The following HELLS variants were observed in gnomAD, a reference collection of about 807,000 sequenced individuals.
HELLS encodes the protein lymphoid-specific helicase.
Under a neutral mutation model 120.0 loss-of-function variants are expected in HELLS, and 32 were observed. That is an observed-to-expected ratio of 0.27 (90% CI 0.20 to 0.36). HELLS has a LOEUF of 0.36. HELLS is among the 10% of genes least tolerant of loss of function. The pLI, the probability that HELLS is intolerant of heterozygous loss-of-function variation, is 1.00. For synonymous variants in HELLS, 341 were observed against 323.4 expected, an observed-to-expected ratio of 1.05 and a Z score of -0.58; for missense variants, 650 against 993.4, an observed-to-expected ratio of 0.65 and a Z score of 4.65.
chr10:94,608,891 C>T (rs1451039021), intron 9 of HELLS, among the ~76,000 whole-genome samples: 1 of 151,966 alleles, frequency 6.6e-6, no homozygotes, highest in East Asian at 1.9e-4. Flanking sequence ...CTCAAGCAAT[C>T]TTCCTGTCTT....
chr10:94,601,006 G>A (rs1846009319), intron 21 of HELLS, among the ~76,000 whole-genome samples: 1 of 152,106 alleles, frequency 6.6e-6, no homozygotes, highest in South Asian at 2.1e-4. Context: ...AATGTCTGAT[G>A]AACAGACAAG....
chr10:94,571,989 G>C (rs538481204), intron 7 of HELLS, among the ~76,000 whole-genome samples: 132 of 152,258 alleles, frequency 8.7e-4, no homozygotes, highest in African/African-American at 2.5e-3. Flanking sequence ...ACTTCAGGTA[G>C]TTAATTTACA....
intron 10 of HELLS, among the ~76,000 whole-genome samples, chr10:94,579,261 C>T (rs888769784): frequency 1.4e-5 from 2 of 141,486 alleles, no homozygotes; most frequent in African/African-American, 2.7e-5. Flanking sequence ...AGTTCAGTGG[C>T]GCGATCTTAG....
intron 10 of HELLS, among the ~76,000 whole-genome samples, chr10:94,577,924 G>T (rs1217151414): frequency 6.6e-6 from 1 of 152,064 alleles, no homozygotes; most frequent in African/African-American, 2.4e-5. Context: ...TTAGCCGGGC[G>T]CGGTGGCGGG....
At chr10:94,556,876 T>G (rs1226449041) in intron 3 of HELLS, among the ~76,000 whole-genome samples, 1 of 152,246 alleles carries the variant, frequency 6.6e-6, no homozygotes, top group Admixed American at 6.5e-5. Flanking sequence ...TGTCTATATG[T>G]CTGTAAGCAA....
rs75480462 is a variant in HELLS, at chr10:94,546,461, C to G, written c.116C>G (p.Ala39Gly). The stretch of plus-strand genomic sequence containing the variant: ...CTAGAAGAGGAAGAACAGCTTGAAG[C>G]TGCTGGACTAGAGAGAGAGCGGAAG... ...AMLEEEEQLE[A>G]AGLERERKML... Residue 39 changes from alanine to glycine, a missense_variant, in exon 2 of 22, where the codon GCT becomes GGT. Coordinates refer to ENST00000348459, the MANE Select transcript of HELLS (RefSeq NM_018063.5). 6.2e-6 allele frequency: 10 copies of G among 1,614,034 alleles called. No homozygotes were observed. The East Asian group carries it at 6.7e-5, about 11-fold the overall frequency.
chr10:94,554,233 A>G lies in HELLS; in HGVS notation c.261A>G (p.Glu87=), dbSNP rs760294276. 2 of 1,567,808 alleles carry G rather than the reference A, an allele frequency of 1.3e-6. No individual in the cohort carries two copies. The highest frequency in any genetic ancestry group is 1.7e-6 in the Non-Finnish European group (2 of 1,165,132). Residue 87 remains glutamate (E), a synonymous_variant, in exon 3 of 22, where the codon GAA becomes GAG. Transcript: ENST00000348459. ...IYSKFLLTKM[E]QQQLEEQKKK... is the part of the protein sequence containing the mutation. ...CCAAATTTTTATTGACGAAAATGGA[A>G]CAGCAACAATTAGAGGTATGTATAT...
At chr10:94,573,700 G>A (rs113209810) in intron 7 of HELLS, among the ~76,000 whole-genome samples, 143 of 152,076 alleles carry the variant, frequency 9.4e-4, no homozygotes, top group African/African-American at 3.4e-3. Flanking sequence ...CTGGACTCAG[G>A]TGATCCTCCT....
rs908638435 is a variant in HELLS, at chr10:94,576,972, A to G, written c.1032+167A>G. The G allele has an allele frequency of 6.5e-6, 4 of 612,708 alleles. No homozygotes were observed. In the Admixed American group the frequency reaches 1.2e-4, roughly 19 times the overall value. The allele number at this position is 612,708 out of a possible 1,614,324, so 38.0% of individuals were successfully genotyped here. ...GAAGCTGGAAACTTTTATTAACAGA[A>G]TGATTGGGATGAAGGCCATCATTTG... On this transcript the variant is annotated intron_variant, in intron 10 of 21. Coordinates refer to ENST00000348459, the MANE Select transcript of HELLS (RefSeq NM_018063.5).
chr10:94,576,541 A>G (rs542363812), intron 9 of HELLS, 121 bp from the exon 10 acceptor site: 116 of 532,740 alleles, frequency 2.2e-4, no homozygotes, highest in Non-Finnish European at 3.4e-4. Context: ...TTGCTATAGA[A>G]AAATAGAAAT....
At chr10:94,577,782 CCGGACGCGGTGGCTCA>C (rs1275440018) in intron 10 of HELLS, 1 of 152,372 alleles carries the variant, frequency 6.6e-6, no homozygotes, top group Admixed American at 6.5e-5. Flanking sequence ...AAAAATTAGG[CCGGACGCGGTGGCTCA>C]CGCCTGTAAT....
At chr10:94,585,041 T>C (rs1441881078) in intron 12 of HELLS, among the ~76,000 whole-genome samples, 7 of 152,108 alleles carry the variant, frequency 4.6e-5, no homozygotes, top group Admixed American at 2.6e-4. Context: ...TTAACTATTT[T>C]CTATATGAAA....
At chr10:94,558,662 C>T (rs539952350) in intron 4 of HELLS, among the ~76,000 whole-genome samples, 2 of 151,920 alleles carry the variant, frequency 1.3e-5, no homozygotes, top group African/African-American at 4.8e-5. Flanking sequence ...AGTGCAGTGG[C>T]GCAATCTCGG....
intron 12 of HELLS, among the ~76,000 whole-genome samples, chr10:94,586,055 T>C (rs542440888): frequency 9.2e-5 from 14 of 152,296 alleles, no homozygotes; most frequent in African/African-American, 3.4e-4. Context: ...GTGCATGTGG[T>C]AGAAAAATAT....
chr10:94,592,119 AG>A (rs930310017), intron 15 of HELLS, 109 bp from the exon 16 acceptor site: 2 of 711,702 alleles, frequency 2.8e-6, no homozygotes, highest in African/African-American at 3.6e-5. Context: ...TCAGTTTTTA[AG>A]TTTTTTAAGT....
At chr10:94,558,255 A>G (rs1843362323) in intron 4 of HELLS, 60 bp downstream of exon 4, 2 of 1,495,672 alleles carry the variant, frequency 1.3e-6, no homozygotes, top group Non-Finnish European at 1.8e-6. Context: ...ATACTTTTGT[A>G]TTCTTCTGAC....
At chr10:94,568,214 T>C (rs1052550949) in intron 6 of HELLS, among the ~76,000 whole-genome samples, 1 of 151,710 alleles carries the variant, frequency 6.6e-6, no homozygotes, top group Non-Finnish European at 1.5e-5. Context: ...GGCCCTTTTT[T>C]TTTTTTTTTT....
chr10:94,587,367 G>T (rs1471635967), intron 12 of HELLS, among the ~76,000 whole-genome samples: 1 of 152,048 alleles, frequency 6.6e-6, no homozygotes, highest in African/African-American at 2.4e-5. Context: ...GGAGAATGGG[G>T]TATCCATCCC....
intron 8 of HELLS, 45 bp downstream of exon 8, chr10:94,574,232 A>G (rs184988383): frequency 4.8e-6 from 6 of 1,249,748 alleles, no homozygotes; most frequent in Middle Eastern, 1.9e-4. Flanking sequence ...TTTTATTTCT[A>G]TAGTAGCCTA....
Sources: allele counts gnomAD v4.1 joint callset (sites outside exome capture counted in the v4.1 genomes callset), GRCh38; gene constraint gnomAD v4.1.1; transcripts MANE v1.5; gene names NCBI Gene and HGNC (gene_info 2026-07-23, HGNC 2026-07-21).